The following CRIM1 variants were observed in gnomAD, a reference collection of about 807,000 sequenced individuals.
CRIM1 encodes cysteine rich transmembrane BMP regulator 1, also known as cysteine-rich motor neuron 1 protein.
Under a neutral mutation model 116.4 loss-of-function variants are expected in CRIM1, and 32 were observed. The ratio of observed to expected loss-of-function variants is 0.27; its 90% CI spans 0.21 to 0.37. The LOEUF is 0.37. Among genes scored for constraint, CRIM1 ranks in the 10% least tolerant of loss-of-function variants. The probability of loss-of-function intolerance (pLI) is 1.00; values close to 1 mark genes in which losing one functional copy is unlikely to be tolerated. For synonymous variants in CRIM1, 590 were observed against 509.2 expected (o/e 1.16, Z -2.13); for missense variants, 1,331 against 1,354.8 (o/e 0.98, Z 0.28).
At chr2:36,457,891 C>T (rs889617682) in intron 4 of CRIM1, among the ~76,000 whole-genome samples, 2 of 152,114 alleles carry the variant, frequency 1.3e-5, no homozygotes, top group Middle Eastern at 3.2e-3. Context: ...TTATAATTTC[C>T]ATTCCCGACA....
At chr2:36,396,514 A>C in intron 1 of CRIM1, 100 bp from the exon 2 acceptor site, 1 of 694,922 alleles carries the variant, frequency 1.4e-6, no homozygotes, top group Non-Finnish European at 2.3e-6. Context: ...ATTTGTCAAA[A>C]TTGAATGTTA....
chr2:36,465,299 T>A (rs937649558), intron 5 of CRIM1, among the ~76,000 whole-genome samples: 12 of 152,306 alleles, frequency 7.9e-5, no homozygotes, highest in African/African-American at 1.9e-4. Context: ...GTTTGGTGGC[T>A]TGATGTTGAT....
chr2:36,517,969 A>C (rs1364015277), intron 12 of CRIM1, among the ~76,000 whole-genome samples: 3 of 152,360 alleles, frequency 2.0e-5, no homozygotes, highest in East Asian at 1.9e-4. Flanking sequence ...AATTCTTTGA[A>C]ATATAAGGGT....
In CRIM1 at chr2:36,356,405, T is replaced by C; in HGVS notation, c.113T>C (p.Leu38Pro). Residue 38 changes from leucine to proline, a missense_variant, in exon 1 of 17, where the codon CTG becomes CCG. This residue lies in a region of CRIM1 where 690 missense variants were observed against 676.0 expected (regional missense o/e 1.02). Coordinates refer to ENST00000280527, the MANE Select transcript of CRIM1 (RefSeq NM_016441.3). This position sits in a 1 kb window ranked among gnomAD's most constrained non-coding sequence, Gnocchi z 4.3. Reference protein sequence around the residue: ...ARSGTRALVCLPCDESKCEEP... With the variant: ...ARSGTRALVCPPCDESKCEEP... ...TCCGGCACCCGGGCGCTGGTCTGCCTGCCCTGTGACGAGTCCAAGTGCGAG... is the reference window on the plus strand; with the variant it reads ...TCCGGCACCCGGGCGCTGGTCTGCCCGCCCTGTGACGAGTCCAAGTGCGAG... 6.2e-7 allele frequency: 1 copy of C among 1,608,278 alleles called. No homozygotes were observed. Among genetic ancestry groups the C allele is most frequent in the Non-Finnish European group, 8.5e-7 (1 of 1,178,824 alleles).
At chr2:36,395,010 C>CT (rs772105466) in intron 1 of CRIM1, among the ~76,000 whole-genome samples, 9,421 of 113,416 alleles carry the variant, frequency 0.083, 489 homozygotes, top group Non-Finnish European at 0.1. Context: ...TTTGTACTGT[C>CT]TTTTTTTTTT....
At chr2:36,403,809 G>A (rs1672589675) in intron 2 of CRIM1, among the ~76,000 whole-genome samples, 1 of 152,130 alleles carries the variant, frequency 6.6e-6, no homozygotes, top group African/African-American at 2.4e-5. Flanking sequence ...GAGGTTGGAT[G>A]AGGTAGGTAC....
At chr2:36,524,138 A>G (rs1053958756) in intron 13 of CRIM1, among the ~76,000 whole-genome samples, 4 of 152,222 alleles carry the variant, frequency 2.6e-5, no homozygotes, top group African/African-American at 7.2e-5. Flanking sequence ...TGATGGGACA[A>G]TAGTCATACA....
At chr2:36,380,921 T>C (rs778588973) in intron 1 of CRIM1, among the ~76,000 whole-genome samples, 8 of 152,240 alleles carry the variant, frequency 5.3e-5, no homozygotes, top group Non-Finnish European at 8.8e-5. Context: ...TCTGCAGTTA[T>C]GGCCTCTTTT....
At chr2:36,513,482 C>A in intron 10 of CRIM1, 74 bp from the exon 11 acceptor site, 2 of 1,196,198 alleles carry the variant, frequency 1.7e-6, no homozygotes, top group Non-Finnish European at 2.5e-6. Context: ...GGGTCCAGTC[C>A]ATGTACAGAC....
In CRIM1 at chr2:36,548,571, GA is replaced by G; in HGVS notation, c.2983del (p.Thr995ProfsTer12). The G allele has an allele frequency of 1.9e-6, 3 of 1,605,084 alleles. No homozygotes were observed. The highest frequency in any genetic ancestry group is 1.7e-6 in the Non-Finnish European group (2 of 1,177,512). Reference protein sequence around the residue: ...NQLVSVDCKKGTRVQVDSSQR... With the variant: ...NQLVSVDCKKXTRVQVDSSQR... ...CTAGTATCTGTGGACTGCAAGAAAG[GA>G]ACCAGAGTCCAGGTGGACAGTTCCC... On this transcript the variant is annotated frameshift_variant, in exon 17 of 17. Coordinates refer to ENST00000280527, the MANE Select transcript of CRIM1 (RefSeq NM_016441.3). LOFTEE classifies it high-confidence loss of function.
intron 2 of CRIM1, among the ~76,000 whole-genome samples, chr2:36,417,191 A>G (rs183935495): frequency 3.9e-5 from 6 of 152,190 alleles, no homozygotes; most frequent in Admixed American, 1.3e-4. Flanking sequence ...TGGTGATTAA[A>G]TGCTTTGTAA....
chr2:36,525,066 T>C (rs1665665116), intron 13 of CRIM1, among the ~76,000 whole-genome samples: 1 of 152,208 alleles, frequency 6.6e-6, no homozygotes, highest in Non-Finnish European at 1.5e-5. Flanking sequence ...TTTTATCATA[T>C]AAACCCATGA....
chr2:36,522,311 T>C lies in CRIM1; in HGVS notation c.2426T>C (p.Ile809Thr). The C allele has an allele frequency of 6.2e-7, 1 of 1,611,400 alleles. No individual in the cohort carries two copies. Among genetic ancestry groups the C allele is most frequent in the Non-Finnish European group, 8.5e-7 (1 of 1,177,566 alleles). The change falls in exon 13 of 17, where the codon ATA becomes ACA. Residue 809 changes from isoleucine (I) to threonine (T), a missense_variant and splice_region_variant. Around this residue, in one of 3 missense-constraint regions of CRIM1, gnomAD observed 358 missense variants for 436.1 expected, o/e 0.82. Coordinates refer to ENST00000280527, the MANE Select transcript of CRIM1 (RefSeq NM_016441.3). ...AAAGGCCAGTGTTGTCCCTACTGCA[T>C]AGGTAAGACCAAGGAAAAAAAAATC... is the stretch of plus-strand genomic sequence containing the variant. ...LRKGQCCPYC[I>T]EDTIPKKVVC...
intron 3 of CRIM1, among the ~76,000 whole-genome samples, chr2:36,442,049 T>G (rs1020720049): frequency 2.0e-5 from 3 of 152,224 alleles, no homozygotes; most frequent in Non-Finnish European, 4.4e-5. Flanking sequence ...GACTGTTTAC[T>G]CACCCTCTTT....
chr2:36,454,663 A>G lies in CRIM1; in HGVS notation c.870-9871A>G, dbSNP rs184373469. On this transcript the variant is annotated intron_variant, in intron 4 of 16. Transcript: ENST00000280527. ...TTCTTTAATGTGCCCCTTTTTTTCT[A>G]TTTTTAAATTAGTCACTGATATTTA... Among the ~76,000 whole-genome samples the G allele has an allele frequency of 3.0e-3, 449 of 152,076 alleles. 3 individuals carry two copies. Among genetic ancestry groups the G allele is most frequent in the African/African-American group, 0.01 (432 of 41,476 alleles).
chr2:36,524,935 G>A (rs754813392), intron 13 of CRIM1, among the ~76,000 whole-genome samples: 1 of 152,004 alleles, frequency 6.6e-6, no homozygotes, highest in Admixed American at 6.6e-5. Flanking sequence ...TTTTAAGTTG[G>A]ACTGCAGCAC....
rs1321139873 is a variant in CRIM1 at position 36,362,086 on chromosome 2, C to A, written c.331+5463C>A. Among the ~76,000 whole-genome samples, 4 of 152,076 alleles carry A rather than the reference C, an allele frequency of 2.6e-5. No individual in the cohort carries two copies. The South Asian group carries it at 8.3e-4, about 32-fold the overall frequency. The stretch of plus-strand genomic sequence containing the variant: ...AGCCCGGGGACCTCTCCAACATATT[C>A]TTTGCTCTGTACACTTAATCAAGAT... On this transcript the variant is annotated intron_variant, in intron 1 of 16. Transcript: ENST00000280527.
chr2:36,534,500 CAG>C (rs1378815669), intron 13 of CRIM1, among the ~76,000 whole-genome samples: 1 of 89,346 alleles, frequency 1.1e-5, no homozygotes, highest in African/African-American at 4.8e-5. Flanking sequence ...AAGGGAAGGA[CAG>C]GGAGGGAGAG....
chr2:36,503,537 G>A (rs1251195040), intron 8 of CRIM1, among the ~76,000 whole-genome samples: 2 of 115,096 alleles, frequency 1.7e-5, no homozygotes, highest in South Asian at 2.7e-4. Context: ...CAGCGTCCCC[G>A]CCCCCCTTTG....
Sources: gnomAD v4.1 joint callset for allele counts (sites outside exome capture counted in the v4.1 genomes callset) on GRCh38, gnomAD v4.1.1 for gene constraint, gnomAD v4.1.1 regional missense constraint, Gnocchi (gnomAD v3.1) non-coding constraint, MANE v1.5 for transcripts, NCBI Gene and HGNC (gene_info 2026-07-23, HGNC 2026-07-21) for gene names.